CTIF: variants seen among roughly 807,000 people sequenced by gnomAD.
CTIF encodes CBP80/20-dependent translation initiation factor.
CTIF carries 21 observed loss-of-function variants against 66.0 expected under a neutral mutation model. That is an observed-to-expected ratio of 0.32 (90% CI 0.23 to 0.46). The LOEUF (loss-of-function observed/expected upper bound fraction) is 0.46. Among genes scored for constraint, CTIF ranks in the 20% least tolerant of loss-of-function variants. The pLI is 1.00. For synonymous variants in CTIF, 345 were observed against 326.4 expected (o/e 1.06, Z -0.62); for missense variants, 739 against 812.7 (o/e 0.91, Z 1.10).
chr18:48,818,581 G>T (rs73433405), intron 10 of CTIF, among the ~76,000 whole-genome samples: 25,334 of 151,900 alleles, frequency 0.17, 2,652 homozygotes, highest in Admixed American at 0.28. Flanking sequence ...GAGGGTTCTG[G>T]GAAGTATCGA....
chr18:48,846,620 T>C (rs1481950112), intron 10 of CTIF, among the ~76,000 whole-genome samples: 1 of 150,954 alleles, frequency 6.6e-6, no homozygotes, highest in Non-Finnish European at 1.5e-5. Flanking sequence ...GATGGATGAG[T>C]AGGTGAGTAG....
rs2091079433 is a variant in CTIF, at chr18:48,647,959, G to A, written c.252+11274G>A. The stretch of plus-strand genomic sequence containing the variant: ...CAACCTTGGAGGATGGGATGGTGTT[G>A]GAATGGGGGGTGTTGATTTTCCCCA... On this transcript the variant is annotated intron_variant, in intron 3 of 11. Coordinates refer to ENST00000256413, the MANE Select transcript of CTIF (RefSeq NM_014772.3). 3.3e-5 allele frequency among the ~76,000 whole-genome samples: 5 copies of A among 152,176 alleles called. 1 individual carries two copies. In the South Asian group the frequency reaches 1.0e-3, roughly 32 times the overall value.
chr18:48,801,928 C>T (rs1302623571), intron 9 of CTIF, among the ~76,000 whole-genome samples: 5 of 152,218 alleles, frequency 3.3e-5, no homozygotes, highest in African/African-American at 1.2e-4. Flanking sequence ...CACAGGAAAC[C>T]TTGGATACAA....
chr18:48,666,477 C>T (rs1367636618), intron 5 of CTIF, among the ~76,000 whole-genome samples: 2 of 152,230 alleles, frequency 1.3e-5, no homozygotes, highest in Admixed American at 6.5e-5. Flanking sequence ...CATCCAACCC[C>T]TAGTTCACCA....
chr18:48,826,045 C>T (rs574774689), intron 10 of CTIF: 1 of 152,326 alleles, frequency 6.6e-6, no homozygotes, highest in African/African-American at 2.4e-5. Context: ...GTTTGAATCC[C>T]AGCTGTGCCA....
At chr18:48,779,359 G>A (rs1910995604) in intron 9 of CTIF, among the ~76,000 whole-genome samples, 1 of 152,168 alleles carries the variant, frequency 6.6e-6, no homozygotes, top group African/African-American at 2.4e-5. Flanking sequence ...GAGCTTAGGA[G>A]GTATACGTCA....
At chr18:48,621,683 A>C (rs1275201582) in intron 2 of CTIF, 1 of 288,038 alleles carries the variant, frequency 3.5e-6, no homozygotes, top group Non-Finnish European at 6.8e-6. Context: ...GGGGGCCGTG[A>C]CGGGGAAGTT....
At chr18:48,855,694 C>T (rs1051571825) in intron 10 of CTIF, among the ~76,000 whole-genome samples, 2 of 152,168 alleles carry the variant, frequency 1.3e-5, no homozygotes, top group East Asian at 1.9e-4. Flanking sequence ...CATCAGGACG[C>T]GGGACAGTCC....
chr18:48,711,486 G>A (rs2092222726), intron 6 of CTIF, 133 bp from the exon 7 acceptor site: 1 of 659,180 alleles, frequency 1.5e-6, no homozygotes, highest in Non-Finnish European at 2.6e-6. Context: ...TGGATTTGGT[G>A]GTTAGAGTCT....
chr18:48,669,800 TA>T (rs1172885770), intron 5 of CTIF, among the ~76,000 whole-genome samples: 7 of 64,142 alleles, frequency 1.1e-4, no homozygotes, highest in African/African-American at 5.2e-4. Flanking sequence ...CATTTATATA[TA>T]TATATATATA....
chr18:48,772,760 C>T (rs1910292790), intron 9 of CTIF, among the ~76,000 whole-genome samples: 1 of 152,192 alleles, frequency 6.6e-6, no homozygotes, highest in South Asian at 2.1e-4. Context: ...TTTTCTTCCA[C>T]CTTTTGACTA....
intron 1 of CTIF, among the ~76,000 whole-genome samples, chr18:48,557,939 A>T (rs1599138810): frequency 1.3e-5 from 2 of 152,374 alleles, no homozygotes; most frequent in Middle Eastern, 6.8e-3. Flanking sequence ...ACCTCCTTAA[A>T]GGCCCTGTTT....
At chr18:48,613,963 T>C (rs991064660) in intron 1 of CTIF, among the ~76,000 whole-genome samples, 1 of 152,184 alleles carries the variant, frequency 6.6e-6, no homozygotes, top group South Asian at 2.1e-4. Context: ...TGCCTTTTAG[T>C]TCCTCCTCAT....
At chr18:48,593,421 C>G (rs1318326247) in intron 1 of CTIF, among the ~76,000 whole-genome samples, 1 of 150,678 alleles carries the variant, frequency 6.6e-6, no homozygotes, top group Non-Finnish European at 1.5e-5. Flanking sequence ...CGCTCTGTCG[C>G]CCAGGCCAGA....
intron 6 of CTIF, among the ~76,000 whole-genome samples, chr18:48,672,955 T>C (rs1041647516): frequency 6.6e-6 from 1 of 152,150 alleles, no homozygotes; most frequent in African/African-American, 2.4e-5. Context: ...CTCTCCTTGC[T>C]TTCTCACCAG....
chr18:48,857,637 T>A lies in CTIF; in HGVS notation c.1577T>A (p.Met526Lys). ...GAAGATGCTGTCCTTTGCTGCTCTA[T>A]GGAGGTAAGCTTTGGGGCTTCGACA... ...VKEDAVLCCS[M>K]ELQSTGRLLE... Residue 526 changes from methionine (M) to lysine (K), a missense_variant, in exon 11 of 12, where the codon ATG becomes AAG. By Grantham distance (95) the Met-to-Lys change is moderately conservative. Around this residue, in one of 2 missense-constraint regions of CTIF, gnomAD observed 210 missense variants for 292.3 expected, o/e 0.72. Coordinates refer to ENST00000256413, the MANE Select transcript of CTIF (RefSeq NM_014772.3). 6.2e-7 allele frequency: 1 copy of A among 1,607,368 alleles called. No homozygotes were observed. Among genetic ancestry groups the A allele is most frequent in the Non-Finnish European group, 8.5e-7 (1 of 1,176,784 alleles).
At chr18:48,779,479 G>A (rs1911005417) in intron 9 of CTIF, among the ~76,000 whole-genome samples, 1 of 152,200 alleles carries the variant, frequency 6.6e-6, no homozygotes, top group Non-Finnish European at 1.5e-5. Context: ...GGTCAGGAGT[G>A]CATCTGGAGG....
At chr18:48,806,218 T>C (rs1157604136) in intron 9 of CTIF, among the ~76,000 whole-genome samples, 1 of 152,220 alleles carries the variant, frequency 6.6e-6, no homozygotes, top group Non-Finnish European at 1.5e-5. Context: ...GTTTCCTCTT[T>C]TCAGTATAAA....
chr18:48,769,295 C>T (rs748202858), intron 9 of CTIF, among the ~76,000 whole-genome samples: 9 of 152,258 alleles, frequency 5.9e-5, no homozygotes, highest in African/African-American at 1.2e-4. Context: ...ATACCCACAT[C>T]GAGCTCCCCT....
Sources: allele counts gnomAD v4.1 joint callset (sites outside exome capture counted in the v4.1 genomes callset), GRCh38; gene constraint gnomAD v4.1.1; regional missense constraint gnomAD v4.1.1; transcripts MANE v1.5; gene names NCBI Gene and HGNC (gene_info 2026-07-23, HGNC 2026-07-21).